Variants in ZDHHC14 observed in about 807,000 individuals in gnomAD.
The protein encoded by ZDHHC14 is palmitoyltransferase ZDHHC14.
In ZDHHC14, 16 loss-of-function variants were observed where a neutral mutation model predicts 47.7. That is an observed-to-expected ratio of 0.34 (90% CI 0.23 to 0.51). The LOEUF (loss-of-function observed/expected upper bound fraction) is 0.51. Ranked by LOEUF, ZDHHC14 falls within the 20% of genes least tolerant of loss-of-function variation. ZDHHC14 has a pLI of 0.97. For synonymous variants in ZDHHC14, 293 were observed against 278.9 expected (o/e 1.05, Z -0.50); for missense variants, 515 against 662.5 (o/e 0.78, Z 2.44).
Position 157,540,097 on chromosome 6 carries a change from G to A in ZDHHC14, c.246-2488G>A, listed in dbSNP as rs545969804. ...AACCCGGCAGGCAGTAGGCCTCCCCGCGTCAACTGGACTTTGCCTTTTCCT... is the reference window on the plus strand; with the variant it reads ...AACCCGGCAGGCAGTAGGCCTCCCCACGTCAACTGGACTTTGCCTTTTCCT... On this transcript the variant is annotated intron_variant, in intron 1 of 8. Transcript: ENST00000359775. 5.3e-4 allele frequency among the ~76,000 whole-genome samples: 81 copies of A among 152,270 alleles called. 1 individual carries two copies. In the South Asian group the frequency reaches 0.013, roughly 24 times the overall value.
chr6:157,588,991 A>G (rs1783803670), intron 2 of ZDHHC14, among the ~76,000 whole-genome samples: 1 of 152,086 alleles, frequency 6.6e-6, no homozygotes, highest in African/African-American at 2.4e-5. Flanking sequence ...GTATTAGTCT[A>G]TTTTCACATT....
chr6:157,575,995 G>A (rs967268008), intron 2 of ZDHHC14, among the ~76,000 whole-genome samples: 2 of 152,100 alleles, frequency 1.3e-5, no homozygotes, highest in African/African-American at 2.4e-5. Context: ...CATGTTCCTC[G>A]CTCTCTTGCT....
At chr6:157,655,228 C>T (rs914319730) in intron 8 of ZDHHC14, among the ~76,000 whole-genome samples, 2 of 152,172 alleles carry the variant, frequency 1.3e-5, no homozygotes, top group African/African-American at 4.8e-5. Context: ...AAGGGGATTA[C>T]ATTCATGGAG....
intron 1 of ZDHHC14, among the ~76,000 whole-genome samples, chr6:157,488,436 T>C (rs1345982281): frequency 1.3e-5 from 2 of 152,178 alleles, no homozygotes; most frequent in Non-Finnish European, 1.5e-5. Context: ...GCGTTGCTTC[T>C]AGGAGAGGGT....
intron 4 of ZDHHC14, chr6:157,631,173 A>C (rs1216238503): frequency 6.6e-6 from 1 of 152,218 alleles, no homozygotes; most frequent in Admixed American, 6.5e-5. Flanking sequence ...GCACACTCAC[A>C]TGCTCTCACA....
chr6:157,631,547 A>G (rs1009534955), intron 4 of ZDHHC14: 74 of 152,156 alleles, frequency 4.9e-4, no homozygotes, highest in African/African-American at 1.8e-3. Context: ...AAACATTGGC[A>G]CAGGCAGAGA....
intron 2 of ZDHHC14, among the ~76,000 whole-genome samples, chr6:157,584,135 C>T (rs541003026): frequency 6.6e-5 from 10 of 152,314 alleles, no homozygotes; most frequent in South Asian, 2.1e-4. Flanking sequence ...GAGGAGATCT[C>T]GGTTGCCTCT....
chr6:157,602,599 G>A (rs1303509780), intron 3 of ZDHHC14, among the ~76,000 whole-genome samples: 1 of 152,040 alleles, frequency 6.6e-6, no homozygotes, highest in African/African-American at 2.4e-5. Flanking sequence ...AGGCTAAATA[G>A]GAGTTACAGT....
At position 157,381,952 on chromosome 6, in the gene ZDHHC14, G is replaced by C; in HGVS notation, c.-70G>C. 1.0e-6 allele frequency: 1 copy of C among 997,442 alleles called. No individual in the cohort carries two copies. Among genetic ancestry groups the C allele is most frequent in the African/African-American group, 1.8e-5 (1 of 56,860 alleles). 61.8% of individuals were successfully genotyped at this position (997,442 alleles called of 1,614,324 possible). On this transcript the variant is annotated 5_prime_UTR_variant, in exon 1 of 9. Transcript: ENST00000359775. ...GGCGGCCGGGCGGCCGGCGGCGGTC[G>C]TGGCTCGGCGGGGCCCGCGCGGCCG...
intron 3 of ZDHHC14, among the ~76,000 whole-genome samples, chr6:157,605,919 T>G (rs924279603): frequency 1.3e-5 from 2 of 152,194 alleles, no homozygotes; most frequent in Admixed American, 1.3e-4. Flanking sequence ...CCATCTGTTA[T>G]AACCCAGCTG....
intron 1 of ZDHHC14, among the ~76,000 whole-genome samples, chr6:157,531,183 G>T (rs1485992806): frequency 6.6e-6 from 1 of 152,120 alleles, no homozygotes; most frequent in Non-Finnish European, 1.5e-5. Flanking sequence ...GGTCTGCTCT[G>T]ATGATTCCAC....
At chr6:157,672,624 A>AGCCCCCCCCCCCC in intron 8 of ZDHHC14, 100 bp from the exon 9 acceptor site, 1 of 273,144 alleles carries the variant, frequency 3.7e-6, no homozygotes, top group Non-Finnish European at 7.2e-6. Context: ...CTCTTCTCGC[A>AGCCCCCCCCCCCC]CCCCACCCTC....
intron 2 of ZDHHC14, among the ~76,000 whole-genome samples, chr6:157,575,636 AGCCT>A (rs1203353163): frequency 6.6e-6 from 1 of 152,224 alleles, no homozygotes; most frequent in Non-Finnish European, 1.5e-5. Flanking sequence ...GTCTAGGGAA[AGCCT>A]ACTCTATCAG....
At chr6:157,385,536 C>G (rs1272320330) in intron 1 of ZDHHC14, among the ~76,000 whole-genome samples, 1 of 152,246 alleles carries the variant, frequency 6.6e-6, no homozygotes, top group Non-Finnish European at 1.5e-5. Context: ...CAATTCTTCT[C>G]TCATCCCAGC....
chr6:157,390,640 A>G (rs1419102827), intron 1 of ZDHHC14, among the ~76,000 whole-genome samples: 1 of 152,008 alleles, frequency 6.6e-6, no homozygotes, highest in Admixed American at 6.6e-5. Flanking sequence ...GTTGTCTTCA[A>G]GTTAATATTT....
chr6:157,579,396 A>G (rs530969345), intron 2 of ZDHHC14, among the ~76,000 whole-genome samples: 6 of 151,796 alleles, frequency 4.0e-5, no homozygotes, highest in African/African-American at 1.2e-4. Context: ...AAGGGGTTTC[A>G]CCATGTTAGC....
At chr6:157,593,248 T>C in intron 3 of ZDHHC14, 102 bp downstream of exon 3, 1 of 1,395,728 alleles carries the variant, frequency 7.2e-7, no homozygotes, top group Non-Finnish European at 9.7e-7. Flanking sequence ...TGGTTAATAT[T>C]TCAGCGCATT....
chr6:157,585,135 A>G (rs1783642524), intron 2 of ZDHHC14, among the ~76,000 whole-genome samples: 1 of 152,096 alleles, frequency 6.6e-6, no homozygotes, highest in Admixed American at 6.6e-5. Context: ...TGAACCCAGG[A>G]GGCAGAGGTT....
chr6:157,448,132 G>A (rs1778724050), intron 1 of ZDHHC14, among the ~76,000 whole-genome samples: 1 of 152,106 alleles, frequency 6.6e-6, no homozygotes, highest in Non-Finnish European at 1.5e-5. Context: ...TCCCACCCCA[G>A]CCTCCCAAAG....
Sources: gnomAD v4.1 joint callset for allele counts (sites outside exome capture counted in the v4.1 genomes callset) on GRCh38, gnomAD v4.1.1 for gene constraint, MANE v1.5 for transcripts, NCBI Gene and HGNC (gene_info 2026-07-23, HGNC 2026-07-21) for gene names.